Variants in ELP2 observed in about 807,000 individuals in gnomAD.
ELP2 encodes elongator acetyltransferase complex subunit 2.
A neutral mutation model predicts 119.2 loss-of-function variants in ELP2; 90 were observed. That is an observed-to-expected ratio of 0.75 (90% CI 0.64 to 0.90). The LOEUF (loss-of-function observed/expected upper bound fraction) is 0.90. Among genes scored for constraint, ELP2 ranks in the 40% least tolerant of loss-of-function variants. The pLI is 0.00. For missense variants in ELP2, 921 were observed against 967.8 expected, an observed-to-expected ratio of 0.95 and a Z score of 0.64; for synonymous variants, 339 against 331.0, an observed-to-expected ratio of 1.02 and a Z score of -0.26.
intron 1 of ELP2, among the ~76,000 whole-genome samples, chr18:36,130,975 T>G (rs760418406): frequency 1.2e-4 from 18 of 151,694 alleles, no homozygotes; most frequent in Non-Finnish European, 2.1e-4. Flanking sequence ...GGAGACCAGT[T>G]TAGGCAACAG....
At chr18:36,130,674 C>T (rs1023390708) in intron 1 of ELP2, among the ~76,000 whole-genome samples, 4 of 152,170 alleles carry the variant, frequency 2.6e-5, no homozygotes, top group Non-Finnish European at 5.9e-5. Context: ...CTTTCCTCAC[C>T]ATATTTCTCA....
intron 13 of ELP2, among the ~76,000 whole-genome samples, chr18:36,156,882 G>A (rs1789508): frequency 0.31 from 47,329 of 152,036 alleles, 7,852 homozygotes; most frequent in Middle Eastern, 0.42. Flanking sequence ...AGCTGCATTA[G>A]TGTTCAATTG....
chr18:36,152,864 A>T (rs2090446502), intron 11 of ELP2, among the ~76,000 whole-genome samples: 2 of 152,244 alleles, frequency 1.3e-5, no homozygotes, highest in South Asian at 4.1e-4. Context: ...TCCCCAGGAA[A>T]CTGATGATAC....
At chr18:36,167,996 A>G (rs1438659024) in intron 19 of ELP2, among the ~76,000 whole-genome samples, 1 of 152,226 alleles carries the variant, frequency 6.6e-6, no homozygotes, top group Non-Finnish European at 1.5e-5. Context: ...GTTCTCCAAC[A>G]TGACCTTCAC....
chr18:36,168,666 A>C (rs2090977999), intron 19 of ELP2, among the ~76,000 whole-genome samples: 1 of 152,250 alleles, frequency 6.6e-6, no homozygotes, highest in East Asian at 1.9e-4. Context: ...CACAACATAC[A>C]GGGATTATGG....
At chr18:36,160,281 TTAAGAAG>T (rs2090695196) in intron 16 of ELP2, among the ~76,000 whole-genome samples, 1 of 152,030 alleles carries the variant, frequency 6.6e-6, no homozygotes, top group African/African-American at 2.4e-5. Context: ...TTTTTCTTTA[TTAAGAAG>T]ACTTGGCTGG....
At chr18:36,162,426 T>C (rs1274586003) in intron 17 of ELP2, among the ~76,000 whole-genome samples, 3 of 152,248 alleles carry the variant, frequency 2.0e-5, no homozygotes, top group Admixed American at 1.3e-4. Context: ...TGAGTAGTTT[T>C]ACTTTGTACA....
intron 5 of ELP2, chr18:36,139,517 T>TA (rs1468598274): frequency 6.5e-7 from 1 of 1,535,628 alleles, no homozygotes; most frequent in African/African-American, 1.4e-5. Context: ...GGTTTCATGT[T>TA]ACGCTTCCAT....
rs2091199337 is a variant in ELP2 at position 36,175,323 on chromosome 18, A to G, written c.*682A>G. On this transcript the variant is annotated 3_prime_UTR_variant, in exon 22 of 22. Transcript: ENST00000358232. ...TAAAGAGAGGAAACCTAGATTACTT[A>G]ATTTTATTTTAACATTTTCTATAGA... 7.6e-6 allele frequency: 1 copy of G among 130,924 alleles called. No individual in the cohort carries two copies. Among genetic ancestry groups the G allele is most frequent in the Non-Finnish European group, 1.7e-5 (1 of 58,328 alleles). The allele number at this position is 130,924 out of a possible 1,614,324, so 8.1% of individuals were successfully genotyped here. A position where few individuals can be genotyped will look rare whatever the true frequency, so the allele number is the denominator to read the frequency against.
chr18:36,161,406 T>C (rs2090736355), intron 17 of ELP2, among the ~76,000 whole-genome samples: 1 of 152,090 alleles, frequency 6.6e-6, no homozygotes, highest in South Asian at 2.1e-4. Context: ...AACAGCGATA[T>C]CTCAAAATGA....
Position 36,141,215 on chromosome 18 carries a change from T to C in ELP2, c.588+14T>C, listed in dbSNP as rs1598750554. On this transcript the variant is annotated intron_variant, in intron 6 of 21. Transcript: ENST00000358232. ...CAAAATGATCAGGTAATAATGTTTA[T>C]ATTAAGAGGCTGGAATTATATTCTG... 8.8e-6 allele frequency: 14 copies of C among 1,591,124 alleles called. No homozygotes were observed. The highest frequency in any genetic ancestry group is 1.2e-5 in the Non-Finnish European group (14 of 1,159,244).
At chr18:36,148,084 A>C (rs1367357607) in intron 11 of ELP2, among the ~76,000 whole-genome samples, 2 of 141,008 alleles carry the variant, frequency 1.4e-5, no homozygotes, top group African/African-American at 2.6e-5. Context: ...GAACCCTCTC[A>C]TGGTCAGGTT....
intron 12 of ELP2, among the ~76,000 whole-genome samples, chr18:36,156,189 A>T (rs1462565798): frequency 6.6e-6 from 1 of 152,190 alleles, no homozygotes; most frequent in South Asian, 2.1e-4. Flanking sequence ...CACTAACACT[A>T]CTGCTTGAGT....
At position 36,141,207 on chromosome 18, in the gene ELP2, A is replaced by G. The variant is rs1184380578; in HGVS notation, c.588+6A>G. The G allele has an allele frequency of 6.2e-7, 1 of 1,602,206 alleles. No individual in the cohort carries two copies. ...TTGCTCAACAAAATGATCAGGTAAT[A>G]ATGTTTATATTAAGAGGCTGGAATT... On this transcript the variant is annotated splice_donor_region_variant and intron_variant, in intron 6 of 21. Coordinates refer to ENST00000358232, the MANE Select transcript of ELP2 (RefSeq NM_018255.4).
intron 21 of ELP2, among the ~76,000 whole-genome samples, chr18:36,172,381 C>G (rs1285230043): frequency 3.3e-5 from 5 of 152,182 alleles, no homozygotes; most frequent in Non-Finnish European, 4.4e-5. Context: ...ATAGCAATTT[C>G]AAATGACAAT....
intron 8 of ELP2, among the ~76,000 whole-genome samples, chr18:36,144,300 TA>T (rs1211362179): frequency 1.3e-5 from 2 of 152,240 alleles, no homozygotes; most frequent in South Asian, 2.1e-4. Context: ...TTTATCCTTT[TA>T]AAAAATGGGA....
chr18:36,141,304 A>G (rs2090019165), intron 6 of ELP2, 103 bp downstream of exon 6: 1 of 968,700 alleles, frequency 1.0e-6, no homozygotes. Context: ...TTCTAATCTA[A>G]ACCAAAATAA....
At chr18:36,149,127 T>G (rs1350571394) in intron 11 of ELP2, among the ~76,000 whole-genome samples, 1 of 152,262 alleles carries the variant, frequency 6.6e-6, no homozygotes, top group Non-Finnish European at 1.5e-5. Flanking sequence ...TGAATTTTCC[T>G]CAATGACCCA....
At chr18:36,143,296 A>C (rs770459686) in intron 8 of ELP2, among the ~76,000 whole-genome samples, 3 of 151,234 alleles carry the variant, frequency 2.0e-5, no homozygotes, top group Non-Finnish European at 4.4e-5. Flanking sequence ...ACTTTTTTGT[A>C]TTTTTAGTAG....
Sources: gnomAD v4.1 joint callset for allele counts (sites outside exome capture counted in the v4.1 genomes callset) on GRCh38, gnomAD v4.1.1 for gene constraint, MANE v1.5 for transcripts, NCBI Gene and HGNC (gene_info 2026-07-23, HGNC 2026-07-21) for gene names.